WWOX: variants seen among roughly 807,000 people sequenced by gnomAD.
WWOX encodes the protein WW domain-containing oxidoreductase.
Under a neutral mutation model 46.2 loss-of-function variants are expected in WWOX, and 69 were observed. That is an observed-to-expected ratio of 1.49 (90% CI 1.23 to 1.82). The LOEUF is 1.82. WWOX is among the 40% of genes most tolerant of loss of function. The pLI, the probability that WWOX is intolerant of heterozygous loss-of-function variation, is 0.00. For synonymous variants in WWOX, 359 were observed against 202.6 expected, an observed-to-expected ratio of 1.77 and a Z score of -6.56; for missense variants, 919 against 542.6, an observed-to-expected ratio of 1.69 and a Z score of -6.89.
chr16:79,178,657 C>G (rs374886493), intron 8 of WWOX, among the ~76,000 whole-genome samples: 2 of 152,268 alleles, frequency 1.3e-5, no homozygotes, highest in East Asian at 3.9e-4. Context: ...TCTCTCCAAT[C>G]TTCGAAGAAT....
chr16:79,093,555 C>T (rs1442303456), intron 8 of WWOX, among the ~76,000 whole-genome samples: 2 of 152,078 alleles, frequency 1.3e-5, no homozygotes, highest in African/African-American at 4.8e-5. Context: ...CAGCCACCAC[C>T]CGCAGCAGGC....
chr16:78,200,121 G>A (rs962274985), intron 5 of WWOX, among the ~76,000 whole-genome samples: 1 of 152,106 alleles, frequency 6.6e-6, no homozygotes, highest in Non-Finnish European at 1.5e-5. Flanking sequence ...GTGTCGCCAA[G>A]AGATTTCTAA....
At chr16:79,199,592 G>T (rs1167755829) in intron 8 of WWOX, among the ~76,000 whole-genome samples, 2 of 152,148 alleles carry the variant, frequency 1.3e-5, no homozygotes, top group Non-Finnish European at 2.9e-5. Flanking sequence ...ACTTCATAGG[G>T]CTCTTGCAAG....
At chr16:78,803,640 G>T (rs1275468157) in intron 8 of WWOX, among the ~76,000 whole-genome samples, 1 of 151,878 alleles carries the variant, frequency 6.6e-6, no homozygotes, top group Non-Finnish European at 1.5e-5. Flanking sequence ...TTTTATTTTT[G>T]TAGAGATGTG....
At position 79,125,033 on chromosome 16, in the gene WWOX, A is replaced by T. The variant is rs367706756; in HGVS notation, c.1057-86575A>T. Among the ~76,000 whole-genome samples, 47 of 142,522 alleles carry T rather than the reference A, an allele frequency of 3.3e-4. No individual in the cohort carries two copies. The South Asian group carries it at 7.6e-3, about 23-fold the overall frequency. 93.5% of individuals were successfully genotyped at this position (142,522 alleles called of 152,430 possible). ...TAATCCATGCCTGTCTGACTCTGAA[A>T]CCTATTTTCCCATCTTTTTTTTTTT... On this transcript the variant is annotated intron_variant, in intron 8 of 8. Transcript: ENST00000566780.
At chr16:78,972,757 G>C (rs1427263536) in intron 8 of WWOX, among the ~76,000 whole-genome samples, 1 of 152,070 alleles carries the variant, frequency 6.6e-6, no homozygotes, top group Non-Finnish European at 1.5e-5. Flanking sequence ...TTTACTTTTA[G>C]TTCATTATTC....
intron 8 of WWOX, among the ~76,000 whole-genome samples, chr16:78,642,113 T>A (rs1230938444): frequency 6.6e-6 from 1 of 152,152 alleles, no homozygotes; most frequent in Non-Finnish European, 1.5e-5. Flanking sequence ...CCCAAATAAT[T>A]GACAATTTCT....
chr16:79,059,741 C>A (rs199971491), intron 8 of WWOX, among the ~76,000 whole-genome samples: 1 of 152,090 alleles, frequency 6.6e-6, no homozygotes, highest in Admixed American at 6.5e-5. Context: ...ATTTGGAGGC[C>A]TTGAGAAATG....
At chr16:78,249,988 A>C (rs1231341584) in intron 5 of WWOX, among the ~76,000 whole-genome samples, 3 of 152,196 alleles carry the variant, frequency 2.0e-5, no homozygotes, top group Admixed American at 1.3e-4. Context: ...TGAGCGGCTG[A>C]ACACACAGTG....
chr16:78,597,844 T>A (rs1295759114), intron 8 of WWOX, among the ~76,000 whole-genome samples: 2 of 151,744 alleles, frequency 1.3e-5, no homozygotes, highest in African/African-American at 4.8e-5. Flanking sequence ...TTTTTTAAAT[T>A]CAGAAATTTC....
intron 8 of WWOX, among the ~76,000 whole-genome samples, chr16:78,875,988 T>C (rs1037561961): frequency 2.0e-5 from 3 of 152,200 alleles, no homozygotes; most frequent in Non-Finnish European, 2.9e-5. Flanking sequence ...TTTTGAGTTA[T>C]ACCCACTTTA....
At chr16:78,943,627 C>A (rs563879144) in intron 8 of WWOX, among the ~76,000 whole-genome samples, 2 of 152,134 alleles carry the variant, frequency 1.3e-5, no homozygotes, top group African/African-American at 4.8e-5. Context: ...TGTGTGGCCC[C>A]GTCAATGGCC....
intron 5 of WWOX, among the ~76,000 whole-genome samples, chr16:78,211,478 C>T (rs908588260): frequency 2.6e-5 from 4 of 152,014 alleles, no homozygotes; most frequent in African/African-American, 4.8e-5. Flanking sequence ...CAAGAGAGAG[C>T]GATCACACCT....
At chr16:78,904,449 G>C (rs1424536520) in intron 8 of WWOX, among the ~76,000 whole-genome samples, 1 of 151,950 alleles carries the variant, frequency 6.6e-6, no homozygotes, top group African/African-American at 2.4e-5. Flanking sequence ...ATGTTGGCCA[G>C]GATGGTCTTC....
intron 8 of WWOX, among the ~76,000 whole-genome samples, chr16:78,556,539 A>C (rs2044301218): frequency 6.6e-6 from 1 of 152,098 alleles, no homozygotes; most frequent in Non-Finnish European, 1.5e-5. Flanking sequence ...AAGTATCTAC[A>C]ATGGAAATGG....
At chr16:78,910,747 G>A (rs546417593) in intron 8 of WWOX, among the ~76,000 whole-genome samples, 19 of 151,904 alleles carry the variant, frequency 1.3e-4, no homozygotes, top group African/African-American at 3.6e-4. Context: ...ATCAGATCTC[G>A]TGGGACTTAC....
intron 8 of WWOX, among the ~76,000 whole-genome samples, chr16:79,100,684 A>G (rs1408497362): frequency 6.6e-6 from 1 of 152,146 alleles, no homozygotes; most frequent in African/African-American, 2.4e-5. Flanking sequence ...CTCCTAGCTA[A>G]GCACTCAGCC....
At chr16:78,414,035 G>A (rs538569038) in intron 6 of WWOX, among the ~76,000 whole-genome samples, 6 of 151,908 alleles carry the variant, frequency 3.9e-5, no homozygotes, top group Non-Finnish European at 7.4e-5. Context: ...CCATCAGTGT[G>A]ATTTGTTCCT....
At chr16:78,332,547 G>C (rs940165175) in intron 5 of WWOX, among the ~76,000 whole-genome samples, 5 of 152,166 alleles carry the variant, frequency 3.3e-5, no homozygotes, top group Non-Finnish European at 7.4e-5. Context: ...ATTTGCTCAA[G>C]AACAAACATC....
Sources: allele counts gnomAD v4.1 joint callset (sites outside exome capture counted in the v4.1 genomes callset), GRCh38; gene constraint gnomAD v4.1.1; transcripts MANE v1.5; gene names NCBI Gene and HGNC (gene_info 2026-07-23, HGNC 2026-07-21).